HIVEP1: variants seen among roughly 807,000 people sequenced by gnomAD.
HIVEP1 encodes the protein HIVEP zinc finger 1.
A neutral mutation model predicts 180.0 loss-of-function variants in HIVEP1; 36 were observed. The ratio of observed to expected loss-of-function variants is 0.20; its 90% CI spans 0.15 to 0.26. The LOEUF (loss-of-function observed/expected upper bound fraction) is 0.26, where lower values mean the gene tolerates loss of function less well. HIVEP1 is among the 10% of genes least tolerant of loss of function. HIVEP1 has a pLI of 1.00. For missense variants in HIVEP1, 3,143 were observed against 3,268.7 expected (o/e 0.96, Z 0.94); for synonymous variants, 1,239 against 1,239.0 (o/e 1.00, Z 0.00).
chr6:12,165,231 AATAT>A (rs780798008), downstream of HIVEP1: 35 of 423,786 alleles, frequency 8.3e-5, no homozygotes, highest in Non-Finnish European at 1.5e-4. Context: ...TAGAAGACTA[AATAT>A]ATAAGAATAC....
chr6:12,211,728 A>T, the HIVEP1 span, among the ~76,000 whole-genome samples: 1 of 152,088 alleles, frequency 6.6e-6, no homozygotes, highest in African/African-American at 2.4e-5. Flanking sequence ...AGGAAAAAAA[A>T]TTAGTTTGGT....
rs1173807726 is a variant in HIVEP1 at position 12,120,637 on chromosome 6, C to G, written c.842C>G (p.Ser281Cys). 1 of 1,614,218 alleles carries G rather than the reference C, an allele frequency of 6.2e-7. No homozygotes were observed. The highest frequency in any genetic ancestry group is 1.1e-5 in the South Asian group (1 of 91,084). Residue 281 changes from serine (S) to cysteine (C), a missense_variant, in exon 4 of 9, where the codon TCT becomes TGT. Coordinates refer to ENST00000379388, the MANE Select transcript of HIVEP1 (RefSeq NM_002114.4). ...KNEQGAMQSA[S>C]HLYHQHEHFV... Reference sequence around the variant, plus strand: ...GAGCAAGGGGCAATGCAGTCAGCTTCTCATTTGTATCATCAACATGAACAC... The same window carrying G: ...GAGCAAGGGGCAATGCAGTCAGCTTGTCATTTGTATCATCAACATGAACAC...
At chr6:12,027,869 G>T (rs1768687939) in intron 2 of HIVEP1, among the ~76,000 whole-genome samples, 1 of 152,208 alleles carries the variant, frequency 6.6e-6, no homozygotes, top group Admixed American at 6.5e-5. Flanking sequence ...AACACTTTCT[G>T]TAATATCCTA....
At chr6:12,198,891 T>C in the HIVEP1 span, among the ~76,000 whole-genome samples, 1 of 152,304 alleles carries the variant, frequency 6.6e-6, no homozygotes, top group Admixed American at 6.5e-5. Flanking sequence ...CTGGGCCTAG[T>C]TGACAAATAA....
At chr6:12,162,981 C>T (rs1375333173) in intron 8 of HIVEP1, among the ~76,000 whole-genome samples, 2 of 152,136 alleles carry the variant, frequency 1.3e-5, no homozygotes, top group Non-Finnish European at 1.5e-5. Context: ...GTCCACTTCT[C>T]AGAGTTATTC....
intron 2 of HIVEP1, among the ~76,000 whole-genome samples, chr6:12,059,282 C>A (rs751521741): frequency 6.6e-6 from 1 of 152,226 alleles, no homozygotes; most frequent in African/African-American, 2.4e-5. Flanking sequence ...AAGTGATCCA[C>A]CTGCCTCGGC....
At chr6:12,069,176 G>GTA (rs1197236286) in intron 2 of HIVEP1, among the ~76,000 whole-genome samples, 1 of 152,210 alleles carries the variant, frequency 6.6e-6, no homozygotes, top group African/African-American at 2.4e-5. Flanking sequence ...AGCCTATATG[G>GTA]TATAGCCTAT....
At chr6:12,145,825 C>A (rs1488849990) in intron 7 of HIVEP1, among the ~76,000 whole-genome samples, 1 of 152,100 alleles carries the variant, frequency 6.6e-6, no homozygotes, top group African/African-American at 2.4e-5. Flanking sequence ...TTGCTTGCTG[C>A]TGTATCTTCA....
chr6:12,170,702 A>G, the HIVEP1 span, among the ~76,000 whole-genome samples: 1 of 152,192 alleles, frequency 6.6e-6, no homozygotes, highest in African/African-American at 2.4e-5. Flanking sequence ...TTTAAGGATG[A>G]TTAGTACGGT....
chr6:12,142,466 T>C (rs938828573), intron 7 of HIVEP1, among the ~76,000 whole-genome samples: 1 of 151,874 alleles, frequency 6.6e-6, no homozygotes, highest in Admixed American at 6.6e-5. Context: ...GCATCAAAAT[T>C]AAAGGAACTA....
intron 6 of HIVEP1, among the ~76,000 whole-genome samples, chr6:12,135,197 C>T (rs912873185): frequency 1.2e-4 from 18 of 152,192 alleles, no homozygotes; most frequent in Non-Finnish European, 2.5e-4. Flanking sequence ...AAAAGTAAAA[C>T]CCTATATCTA....
intron 3 of HIVEP1, among the ~76,000 whole-genome samples, chr6:12,108,183 C>T (rs1048079592): frequency 6.6e-6 from 1 of 152,188 alleles, no homozygotes; most frequent in Admixed American, 6.5e-5. Context: ...ATTCACAAAC[C>T]CTGAGCTAGA....
chr6:12,085,289 C>T (rs1225243144), intron 2 of HIVEP1, among the ~76,000 whole-genome samples: 1 of 151,790 alleles, frequency 6.6e-6, no homozygotes, highest in African/African-American at 2.4e-5. Flanking sequence ...GAAAGGACGC[C>T]CCACAGAGAA....
chr6:12,178,800 T>C, the HIVEP1 span, among the ~76,000 whole-genome samples: 1 of 152,308 alleles, frequency 6.6e-6, no homozygotes, highest in East Asian at 1.9e-4. Flanking sequence ...AAAAATTCAT[T>C]GTGTGGTGTT....
intron 3 of HIVEP1, among the ~76,000 whole-genome samples, chr6:12,111,956 C>G (rs1774923882): frequency 1.3e-5 from 2 of 152,190 alleles, no homozygotes; most frequent in South Asian, 2.1e-4. Context: ...ACTGTATTAT[C>G]TTTTAAACGG....
intron 3 of HIVEP1, among the ~76,000 whole-genome samples, chr6:12,119,150 A>C (rs1391062817): frequency 1.3e-5 from 2 of 152,232 alleles, no homozygotes; most frequent in Non-Finnish European, 2.9e-5. Context: ...AGATGGGCTC[A>C]ATTCTGTCTT....
At position 12,124,988 on chromosome 6, in the gene HIVEP1, T is replaced by C. The variant is rs1757968095; in HGVS notation, c.5193T>C (p.Val1731=). ...TGCCCATAACTCAGAAAATATCTGT[T>C]GGTCGACTTTCCCCTCAACAAGAAT... The part of the protein sequence containing the change: ...ESLPITQKIS[V]GRLSPQQESS... Residue 1731 remains valine (V), a synonymous_variant, in exon 4 of 9, where the codon GTT becomes GTC. Coordinates refer to ENST00000379388, the MANE Select transcript of HIVEP1 (RefSeq NM_002114.4). 6.2e-7 allele frequency: 1 copy of C among 1,614,104 alleles called. No individual in the cohort carries two copies. Among genetic ancestry groups the C allele is most frequent in the African/African-American group, 1.3e-5 (1 of 74,946 alleles).
Position 12,163,700 on chromosome 6 carries a change from T to G in HIVEP1, c.7396T>G (p.Cys2466Gly), listed in dbSNP as rs1760557949. ...GVAELSSVVP[C>G]IPIGQIRVPG... Reference sequence around the variant, plus strand: ...GGCTGAATTAAGCAGTGTTGTGCCATGTATTCCTATCGGCCAAATCCGCGT... The same window carrying G: ...GGCTGAATTAAGCAGTGTTGTGCCAGGTATTCCTATCGGCCAAATCCGCGT... Residue 2466 changes from cysteine (C) to glycine (G), a missense_variant, in exon 9 of 9, where the codon TGT becomes GGT. Physicochemically the swap from Cys to Gly is radical, Grantham distance 159. Transcript: ENST00000379388. 1.9e-6 allele frequency: 3 copies of G among 1,614,122 alleles called. No homozygotes were observed. Among genetic ancestry groups the G allele is most frequent in the East Asian group, 2.2e-5 (1 of 44,870 alleles).
intron 2 of HIVEP1, among the ~76,000 whole-genome samples, chr6:12,065,620 T>C (rs1771517388): frequency 6.6e-6 from 1 of 152,126 alleles, no homozygotes; most frequent in Admixed American, 6.6e-5. Flanking sequence ...TGCCACTGTT[T>C]GCTCCTCTGG....
Sources: gnomAD v4.1 joint callset for allele counts (sites outside exome capture counted in the v4.1 genomes callset) on GRCh38, gnomAD v4.1.1 for gene constraint, MANE v1.5 for transcripts, NCBI Gene and HGNC (gene_info 2026-07-23, HGNC 2026-07-21) for gene names.